PZP: variants seen among roughly 807,000 people sequenced by gnomAD.
PZP encodes PZP alpha-2-macroglobulin like, also known as pregnancy zone protein.
In PZP, 150 loss-of-function variants were observed where a neutral mutation model predicts 179.8. That is an observed-to-expected ratio of 0.83 (90% CI 0.73 to 0.96). PZP has a LOEUF of 0.96. Among genes scored for constraint, PZP ranks in the 40% least tolerant of loss-of-function variants. The probability of loss-of-function intolerance (pLI) is 0.00; values close to 1 mark genes in which losing one functional copy is unlikely to be tolerated. For missense variants in PZP, 1,689 were observed against 1,764.0 expected (o/e 0.96, Z 0.76); for synonymous variants, 624 against 652.3 (o/e 0.96, Z 0.66).
At position 9,153,157 on chromosome 12, in the gene PZP, T is replaced by G. The variant is rs1325133930; in HGVS notation, c.3961A>C (p.Thr1321Pro). The G allele has an allele frequency of 6.2e-7, 1 of 1,614,176 alleles. No homozygotes were observed. The highest frequency in any genetic ancestry group is 1.1e-5 in the South Asian group (1 of 91,074). ...TACACACATCTTTCCCCAGTTACTGTTATGACATATTCTCCAGGGAGCTCT... is the reference window on the plus strand; with the variant it reads ...TACACACATCTTTCCCCAGTTACTGGTATGACATATTCTCCAGGGAGCTCT... ...LPELPGEYVI[T>P]VTGERCVYLQ... is the part of the protein sequence containing the mutation. Residue 1321 changes from threonine to proline, a missense_variant, in exon 30 of 36, where the codon ACA (threonine) becomes CCA (proline). By Grantham distance (38) the Thr-to-Pro change is conservative (BLOSUM62 -1). Around this residue, in one of 3 missense-constraint regions of PZP, gnomAD observed 746 missense variants for 749.2 expected, o/e 1.00. Coordinates refer to ENST00000261336, the MANE Select transcript of PZP (RefSeq NM_002864.3).
chr12:9,201,592 T>G (rs756081018), intron 4 of PZP, among the ~76,000 whole-genome samples: 1 of 152,328 alleles, frequency 6.6e-6, no homozygotes, highest in Admixed American at 6.5e-5. Context: ...GTGAATGATA[T>G]TATTGAATCT....
chr12:9,201,138 G>T, intron 5 of PZP, 78 bp from the exon 6 acceptor site: 1 of 1,539,488 alleles, frequency 6.5e-7, no homozygotes. Flanking sequence ...TTTTGAAGGT[G>T]ATAATTAGCA....
At position 9,203,891 on chromosome 12, in the gene PZP, G is replaced by A; in HGVS notation, c.144C>T (p.Val48=). The part of the protein sequence containing the change: ...LHTEAPKKGC[V]LLSHLNETVT... ...CTGTCTCATTCAGGTGGCTCAGAAGGACACAGCCCTTCTTAGGGGCCTCAG... is the reference window on the plus strand; with the variant it reads ...CTGTCTCATTCAGGTGGCTCAGAAGAACACAGCCCTTCTTAGGGGCCTCAG... Residue 48 remains valine, a synonymous_variant, in exon 2 of 36, where the codon GTC becomes GTT. Coordinates refer to ENST00000261336, the MANE Select transcript of PZP (RefSeq NM_002864.3). 6.2e-7 allele frequency: 1 copy of A among 1,614,150 alleles called. No homozygotes were observed.
At chr12:9,201,927 T>C (rs758870315) in intron 4 of PZP, among the ~76,000 whole-genome samples, 7 of 152,102 alleles carry the variant, frequency 4.6e-5, no homozygotes, top group Non-Finnish European at 1.0e-4. Flanking sequence ...GTATCGAATA[T>C]ATAATAAAAT....
At chr12:9,192,150 A>T (rs776035573) in intron 13 of PZP, 43 bp downstream of exon 13, 81 of 1,513,160 alleles carry the variant, frequency 5.4e-5, no homozygotes, top group Non-Finnish European at 7.0e-5. Flanking sequence ...AAGGGTAAGG[A>T]TGTGTTAGGG....
chr12:9,188,494 T>C (rs767343172), intron 13 of PZP, among the ~76,000 whole-genome samples: 1 of 152,284 alleles, frequency 6.6e-6, no homozygotes, highest in East Asian at 1.9e-4. Context: ...ACCACTCCTA[T>C]TGAACACAGT....
intron 7 of PZP, among the ~76,000 whole-genome samples, chr12:9,197,455 T>TA (rs1038486400): frequency 1.8e-4 from 24 of 132,310 alleles, no homozygotes; most frequent in South Asian, 8.6e-4. Context: ...TGCTTAATAA[T>TA]ATATAATAAT....
chr12:9,172,881 G>T (rs1390999157), intron 15 of PZP, among the ~76,000 whole-genome samples: 2 of 152,166 alleles, frequency 1.3e-5, no homozygotes, highest in East Asian at 3.9e-4. Context: ...AATAGCGAGA[G>T]ACTTTAACAC....
At chr12:9,165,095 CT>C in intron 19 of PZP, 43 bp downstream of exon 19, 1 of 1,582,930 alleles carries the variant, frequency 6.3e-7, no homozygotes, top group Admixed American at 1.7e-5. Flanking sequence ...TCAAAGGAAT[CT>C]TTTGTTCTAC....
At chr12:9,148,805 A>G (rs937673831), downstream of PZP, 3 of 604,966 alleles carry the variant, frequency 5.0e-6, no homozygotes, top group Non-Finnish European at 8.6e-6. Flanking sequence ...TGAACATGTT[A>G]TTAATGTCTG....
At chr12:9,189,168 A>G (rs1011435482) in intron 13 of PZP, among the ~76,000 whole-genome samples, 1 of 152,162 alleles carries the variant, frequency 6.6e-6, no homozygotes, top group African/African-American at 2.4e-5. Flanking sequence ...ATATGGAACT[A>G]AAAAAAGAGC....
intron 20 of PZP, 113 bp from the exon 21 acceptor site, chr12:9,163,902 A>AT (rs1941396974): frequency 7.3e-7 from 1 of 1,364,302 alleles, no homozygotes. Context: ...CTAAAAAAAA[A>AT]GAAACCCACA....
chr12:9,151,202 G>A (rs1387772626), intron 33 of PZP, among the ~76,000 whole-genome samples: 4 of 151,888 alleles, frequency 2.6e-5, no homozygotes, highest in African/African-American at 9.7e-5. Context: ...CAACCACTGG[G>A]GTCATATTTA....
intron 15 of PZP, among the ~76,000 whole-genome samples, chr12:9,175,965 G>A (rs1484071156): frequency 1.3e-5 from 2 of 152,142 alleles, no homozygotes; most frequent in Non-Finnish European, 2.9e-5. Flanking sequence ...TGGGTGTATA[G>A]CCATAGGAAT....
At chr12:9,208,153 G>T in intron 1 of PZP, 106 bp downstream of exon 1, 2 of 759,404 alleles carry the variant, frequency 2.6e-6, no homozygotes, top group Non-Finnish European at 4.7e-6. Context: ...TATTTGGAAG[G>T]TATTGTAATG....
rs16918152 is a variant in PZP, at chr12:9,181,999, C to T, written c.1665G>A (p.Glu555=). The change falls in exon 14 of 36, where the codon GAG becomes GAA. Residue 555 remains glutamate, a synonymous_variant. Coordinates refer to ENST00000261336, the MANE Select transcript of PZP (RefSeq NM_002864.3). The stretch of plus-strand genomic sequence containing the variant: ...CCTTGTTGGCTAGACAGTTTTCAAT[C>T]TCAAATTTTTCAGAGTCTCCAACAA... The part of the protein sequence containing the change: ...GEVVGDSEKF[E]IENCLANKVD... The T allele has an allele frequency of 5.9e-3, 9,502 of 1,613,566 alleles. 515 individuals are homozygous for T. The African/African-American group carries it at 0.11, about 19-fold the overall frequency.
intron 26 of PZP, among the ~76,000 whole-genome samples, 158 bp from the exon 27 acceptor site, chr12:9,157,999 G>A (rs1030718944): frequency 6.6e-6 from 1 of 152,130 alleles, no homozygotes; most frequent in African/African-American, 2.4e-5. Flanking sequence ...TGTAGCTCAG[G>A]CTGGAGTGCA....
intron 15 of PZP, among the ~76,000 whole-genome samples, chr12:9,179,563 T>A (rs945073797): frequency 1.3e-5 from 2 of 152,296 alleles, no homozygotes; most frequent in African/African-American, 4.8e-5. Context: ...AATTTGTAAA[T>A]CACTTATTAC....
rs1193422527 is a variant in PZP at position 9,208,260 on chromosome 12, G to A, written c.82C>T (p.Pro28Ser). The A allele has an allele frequency of 1.1e-5, 17 of 1,611,430 alleles. No individual in the cohort carries two copies. The highest frequency in any genetic ancestry group is 1.4e-5 in the Non-Finnish European group (16 of 1,177,608). Residue 28 changes from proline (P) to serine (S), a missense_variant and splice_region_variant, in exon 1 of 36, where the codon CCG becomes TCG. By Grantham distance (74) the Pro-to-Ser change is moderately conservative. This residue lies in a region of PZP where 742 missense variants were observed against 730.5 expected (regional missense o/e 1.02). Transcript: ENST00000261336. ...LSASDSNSTE[P>S]QYMVLVPSLL... ...GAAGGGGTCTTGAGTGAGACTTACG[G>A]TTCTGTAGAGTTTGAGTCACTGGCA...
Sources: allele counts gnomAD v4.1 joint callset (sites outside exome capture counted in the v4.1 genomes callset), GRCh38; gene constraint gnomAD v4.1.1; regional missense constraint gnomAD v4.1.1; transcripts MANE v1.5; gene names NCBI Gene and HGNC (gene_info 2026-07-23, HGNC 2026-07-21).